WDPCP: variants seen among roughly 807,000 people sequenced by gnomAD.
The protein encoded by WDPCP is WD repeat-containing and planar cell polarity effector protein fritz homolog.
A neutral mutation model predicts 93.1 loss-of-function variants in WDPCP; 71 were observed. The ratio of observed to expected loss-of-function variants is 0.76; its 90% CI spans 0.63 to 0.93. The LOEUF is 0.93. Among genes scored for constraint, WDPCP ranks in the 40% least tolerant of loss-of-function variants. The pLI is 0.00. For missense variants in WDPCP, 844 were observed against 887.4 expected, an observed-to-expected ratio of 0.95 and a Z score of 0.62; for synonymous variants, 315 against 315.0, an observed-to-expected ratio of 1.00 and a Z score of 0.00.
At chr2:63,638,370 C>T (rs759972055) in intron 3 of WDPCP, among the ~76,000 whole-genome samples, 5 of 151,866 alleles carry the variant, frequency 3.3e-5, no homozygotes, top group Middle Eastern at 6.3e-3. Context: ...CTATGTGAGG[C>T]GATGATTATG....
At chr2:63,372,877 A>G (rs954801781) in intron 12 of WDPCP, among the ~76,000 whole-genome samples, 1 of 152,166 alleles carries the variant, frequency 6.6e-6, no homozygotes, top group Admixed American at 6.5e-5. Context: ...TAATCCCAGC[A>G]CTTTGGGAGG....
chr2:63,200,005 G>A (rs1213150885), intron 14 of WDPCP, among the ~76,000 whole-genome samples: 1 of 152,208 alleles, frequency 6.6e-6, no homozygotes, highest in Non-Finnish European at 1.5e-5. Flanking sequence ...GGAGTCAAGG[G>A]AGATTATTTT....
At chr2:63,546,357 C>A (rs559075044) in intron 1 of WDPCP, among the ~76,000 whole-genome samples, 24 of 152,246 alleles carry the variant, frequency 1.6e-4, no homozygotes, top group African/African-American at 5.5e-4. Flanking sequence ...AGAGTCCAGG[C>A]CTGCTCAAGG....
intron 15 of WDPCP, among the ~76,000 whole-genome samples, chr2:63,166,324 C>G (rs1490034431): frequency 6.6e-6 from 1 of 152,100 alleles, no homozygotes; most frequent in East Asian, 1.9e-4. Flanking sequence ...CTTGGCCTCC[C>G]AAAGTGCTGG....
intron 3 of WDPCP, chr2:63,597,259 C>G: frequency 8.1e-7 from 1 of 1,234,464 alleles, no homozygotes; most frequent in Non-Finnish European, 1.0e-6. Context: ...TTATCTTTCT[C>G]AGGCTCCTGA....
chr2:63,313,886 A>ATGTGTGTGTGTATTT, intron 12 of WDPCP, among the ~76,000 whole-genome samples: 1 of 74,502 alleles, frequency 1.3e-5, no homozygotes, highest in Non-Finnish European at 2.6e-5. Flanking sequence ...ATATATATAT[A>ATGTGTGTGTGTATTT]TTTTTTTTTT....
At chr2:63,749,973 T>A (rs541769003) in intron 2 of WDPCP, among the ~76,000 whole-genome samples, 1 of 152,214 alleles carries the variant, frequency 6.6e-6, no homozygotes, top group African/African-American at 2.4e-5. Context: ...GACAACACAT[T>A]AACTGTGAAC....
At chr2:63,749,887 T>TA (rs1300464574) in intron 2 of WDPCP, among the ~76,000 whole-genome samples, 1 of 152,154 alleles carries the variant, frequency 6.6e-6, no homozygotes, top group East Asian at 1.9e-4. Flanking sequence ...ATCCCCATCC[T>TA]ATAGTCTTGC....
At chr2:63,810,454 TC>T (rs1457439481) in intron 2 of WDPCP, among the ~76,000 whole-genome samples, 1 of 152,214 alleles carries the variant, frequency 6.6e-6, no homozygotes, top group East Asian at 1.9e-4. Flanking sequence ...AGGAAAAGCT[TC>T]CTAGAGGAAA....
chr2:63,456,502 C>A (rs1006755501), intron 6 of WDPCP, among the ~76,000 whole-genome samples: 2 of 152,022 alleles, frequency 1.3e-5, no homozygotes, highest in African/African-American at 4.8e-5. Flanking sequence ...GTTTTTGGGA[C>A]ACAGTGAAAG....
chr2:63,191,786 A>G lies in WDPCP; in HGVS notation c.1916-16954T>C, dbSNP rs553748308. 6.6e-5 allele frequency among the ~76,000 whole-genome samples: 10 copies of G among 152,322 alleles called. No homozygotes were observed. In the East Asian group the frequency reaches 1.9e-3, roughly 29 times the overall value. ...GGCCCACAATCTAAGAATGGTTTTT[A>G]TATTTTCAAATGGTTGAAAAAATAC... On this transcript the variant is annotated intron_variant, in intron 14 of 17. Transcript: ENST00000272321.
chr2:63,566,995 G>A (rs970542085), intron 1 of WDPCP, among the ~76,000 whole-genome samples: 6 of 152,160 alleles, frequency 3.9e-5, no homozygotes, highest in Non-Finnish European at 2.9e-5. Flanking sequence ...AGCAGGGGTC[G>A]GGTGGAGTTG....
intron 17 of WDPCP, 70 bp from the exon 18 acceptor site, chr2:63,122,126 A>G: frequency 1.6e-6 from 2 of 1,284,266 alleles, no homozygotes; most frequent in Non-Finnish European, 2.2e-6. Context: ...TTGTATCTTT[A>G]TTATTTTTAA....
In WDPCP at chr2:63,272,668, G is replaced by A. The variant is rs563969815; in HGVS notation, c.1813-13259C>T. Among the ~76,000 whole-genome samples the A allele has an allele frequency of 2.6e-5, 4 of 152,192 alleles. No individual in the cohort carries two copies. The East Asian group carries it at 7.7e-4, about 29-fold the overall frequency. On this transcript the variant is annotated intron_variant, in intron 13 of 17. Transcript: ENST00000272321. ...AAATTCTGAAACTGAAGAATTCAAT[G>A]AATGAAATAAAAAACACAACTGAGG...
chr2:63,578,537 C>T (rs540293626), intron 1 of WDPCP, among the ~76,000 whole-genome samples: 73 of 152,234 alleles, frequency 4.8e-4, no homozygotes, highest in African/African-American at 1.4e-3. Flanking sequence ...ACTGTGCCCT[C>T]ACCTGAGTGG....
At position 63,580,334 on chromosome 2, in the gene WDPCP, ATAT is replaced by A. The variant is rs768948804; in HGVS notation, c.75+7860_75+7862del. ...GAGTAAAAGTTTGGTGAGAAACAGG[ATAT>A]TAATGTAGTCTCAACGTATGTCCCC... On this transcript the variant is annotated intron_variant, in intron 1 of 17. Coordinates refer to ENST00000272321, the MANE Select transcript of WDPCP (RefSeq NM_015910.7). Among the ~76,000 whole-genome samples, 3 of 152,228 alleles carry A rather than the reference ATAT, an allele frequency of 2.0e-5. No individual in the cohort carries two copies. In the East Asian group the frequency reaches 5.8e-4, roughly 29 times the overall value.
At chr2:63,433,137 TATC>T (rs1422796217) in intron 9 of WDPCP, among the ~76,000 whole-genome samples, 1 of 152,172 alleles carries the variant, frequency 6.6e-6, no homozygotes, top group Non-Finnish European at 1.5e-5. Context: ...ATCAAACCAT[TATC>T]ATGAATTGAT....
intron 10 of WDPCP, among the ~76,000 whole-genome samples, chr2:63,398,069 A>G (rs1224876375): frequency 2.0e-5 from 3 of 152,134 alleles, no homozygotes; most frequent in African/African-American, 4.8e-5. Flanking sequence ...CTAGTCTTGG[A>G]CAAGAGGAAG....
chr2:63,578,717 A>C (rs1708281999), intron 1 of WDPCP, among the ~76,000 whole-genome samples: 1 of 152,216 alleles, frequency 6.6e-6, no homozygotes, highest in Non-Finnish European at 1.5e-5. Context: ...GAAAAGCAGA[A>C]AGATTTTAAA....
Sources: allele counts gnomAD v4.1 joint callset (sites outside exome capture counted in the v4.1 genomes callset), GRCh38; gene constraint gnomAD v4.1.1; transcripts MANE v1.5; gene names NCBI Gene and HGNC (gene_info 2026-07-23, HGNC 2026-07-21).